Variants in ERCC3 observed in about 807,000 individuals in gnomAD.
The protein encoded by ERCC3 is general transcription and DNA repair factor IIH helicase/translocase subunit XPB.
ERCC3 carries 66 observed loss-of-function variants against 94.2 expected under a neutral mutation model. The observed-to-expected ratio is 0.70, with a 90% CI of 0.57 to 0.86. The LOEUF (loss-of-function observed/expected upper bound fraction) is 0.86, where lower values mean the gene tolerates loss of function less well. ERCC3 is among the 40% of genes least tolerant of loss of function. ERCC3 has a pLI of 0.00. For missense variants in ERCC3, 829 were observed against 987.1 expected (o/e 0.84, Z 2.15); for synonymous variants, 349 against 369.1 (o/e 0.95, Z 0.63).
Position 127,280,489 on chromosome 2 carries a change from C to T in ERCC3, c.1485G>A (p.Glu495=), listed in dbSNP as rs4150456. ...TGGCGATGTAGCCATTATTCTGCAG[C>T]TCCATCCAGTTGGCTTCGTAGAGCT... The part of the protein sequence containing the change: ...GPKLYEANWM[E]LQNNGYIAKV... Residue 495 remains glutamate (E), a synonymous_variant, in exon 9 of 15, where the codon GAG becomes GAA. Coordinates refer to ENST00000285398, the MANE Select transcript of ERCC3 (RefSeq NM_000122.2). This position sits in a 1 kb window ranked among gnomAD's most constrained non-coding sequence, Gnocchi z 6.3. The T allele has an allele frequency of 2.4e-3, 3,942 of 1,613,830 alleles. 72 individuals are homozygous for T. In the African/African-American group the frequency reaches 0.046, roughly 19 times the overall value.
At position 127,279,360 on chromosome 2, in the gene ERCC3, A is replaced by C; in HGVS notation, c.1543T>G (p.Ser515Ala). Reference protein sequence around the residue: ...VQCAEVWCPMSPEFYREYVAI... With the variant: ...VQCAEVWCPMAPEFYREYVAI... ...ACATATTCCCGGTAAAATTCAGGAG[A>C]CATAGGGCACCAGACCTGTAATACA... is the stretch of plus-strand genomic sequence containing the variant. The change falls in exon 10 of 15, where the codon TCT becomes GCT. Residue 515 changes from serine (S) to alanine (A), a missense_variant. Transcript: ENST00000285398. The surrounding 1 kb of genome is among the most constrained non-coding windows in gnomAD (Gnocchi z 4.7). 6.2e-7 allele frequency: 1 copy of C among 1,613,620 alleles called. No homozygotes were observed. The highest frequency in any genetic ancestry group is 8.5e-7 in the Non-Finnish European group (1 of 1,179,542).
chr2:127,292,969 A>G (rs1685328059), intron 2 of ERCC3, 123 bp from the exon 3 acceptor site: 1 of 712,544 alleles, frequency 1.4e-6, no homozygotes, highest in Non-Finnish European at 2.5e-6. Flanking sequence ...TCTTGCAAGC[A>G]CTCCTTCAGA....
rs1684531254 is a variant in ERCC3 at position 127,271,029 on chromosome 2, C to G, written c.1945+307G>C. Among the ~76,000 whole-genome samples the G allele has an allele frequency of 6.6e-6, 1 of 152,206 alleles. No individual in the cohort carries two copies. Among genetic ancestry groups the G allele is most frequent in the South Asian group, 2.1e-4 (1 of 4,828 alleles). On this transcript the variant is annotated intron_variant, in intron 12 of 14. Transcript: ENST00000285398. The surrounding 1 kb of genome is among the most constrained non-coding windows in gnomAD (Gnocchi z 5.0). ...TGGCCCAGCTCTGTTTTCTCCCTTC[C>G]ATGTCTACCCCATAAGCACTGCCTT...
At chr2:127,287,935 CTG>C (rs1318857252) in intron 7 of ERCC3, among the ~76,000 whole-genome samples, 2 of 152,076 alleles carry the variant, frequency 1.3e-5, no homozygotes, top group South Asian at 2.1e-4. Flanking sequence ...TAAAAATACA[CTG>C]TGAGTTACCA....
In ERCC3 at chr2:127,284,113, C is replaced by T. The variant is rs1051616901; in HGVS notation, c.1342+2590G>A. 2 of 152,244 alleles carry T rather than the reference C, an allele frequency of 1.3e-5. No individual in the cohort carries two copies. Among genetic ancestry groups the T allele is most frequent in the African/African-American group, 4.8e-5 (2 of 41,458 alleles). 9.4% of individuals were successfully genotyped at this position (152,244 alleles called of 1,614,324 possible). A position where few individuals can be genotyped will look rare whatever the true frequency, so the allele number is the denominator to read the frequency against. On this transcript the variant is annotated intron_variant, in intron 8 of 14. Transcript: ENST00000285398. This position sits in a 1 kb window ranked among gnomAD's most constrained non-coding sequence, Gnocchi z 4.1. ...ACACCTGACCTGTCAATTAAAGCTT[C>T]ACAACATATCCAGAGTCGGATCACG... is the stretch of plus-strand genomic sequence containing the variant.
At position 127,264,284 on chromosome 2, in the gene ERCC3, C is replaced by T. The variant is rs936077369; in HGVS notation, c.1946-2938G>A. Among the ~76,000 whole-genome samples, 12 of 152,048 alleles carry T rather than the reference C, an allele frequency of 7.9e-5. No individual in the cohort carries two copies. The highest frequency in any genetic ancestry group is 1.6e-4 in the Non-Finnish European group (11 of 68,010). On this transcript the variant is annotated intron_variant, in intron 12 of 14. Coordinates refer to ENST00000285398, the MANE Select transcript of ERCC3 (RefSeq NM_000122.2). This position sits in a 1 kb window ranked among gnomAD's most constrained non-coding sequence, Gnocchi z 4.4. ...TTCAAGACCAGCACTGCCAACATGG[C>T]GAAACCCTGTCTCTACTAAAAATAC... is the stretch of plus-strand genomic sequence containing the variant.
rs1685367268 is a variant in ERCC3 at position 127,293,798 on chromosome 2, C to T, written c.29-80G>A. 5 of 1,599,828 alleles carry T rather than the reference C, an allele frequency of 3.1e-6. No homozygotes were observed. In the Admixed American group the frequency reaches 8.4e-5, roughly 27 times the overall value. ...GCACCGCTTGGCAGCATTTCACCTG[C>T]GCCGCCGCAAACTCCTAGCTAAGAG... On this transcript the variant is annotated intron_variant, in intron 1 of 14. Coordinates refer to ENST00000285398, the MANE Select transcript of ERCC3 (RefSeq NM_000122.2).
intron 4 of ERCC3, 96 bp from the exon 5 acceptor site, chr2:127,289,920 T>G: frequency 7.2e-7 from 1 of 1,393,020 alleles, no homozygotes; most frequent in Non-Finnish European, 1.0e-6. Flanking sequence ...AATACAAGCC[T>G]CATGACTCTC....
rs1013117712 is a variant in ERCC3, at chr2:127,258,243, T to G, written c.2218-516A>C. Among the ~76,000 whole-genome samples, 2 of 152,154 alleles carry G rather than the reference T, an allele frequency of 1.3e-5. No individual in the cohort carries two copies. Among genetic ancestry groups the G allele is most frequent in the African/African-American group, 4.8e-5 (2 of 41,432 alleles). On this transcript the variant is annotated intron_variant, in intron 14 of 14. Transcript: ENST00000285398. The surrounding 1 kb of genome is among the most constrained non-coding windows in gnomAD (Gnocchi z 4.1). ...CCACCATGCCTGGCCTGAACAGAAT[T>G]TTTTAACAGTTAGGGCAAAAGTTCC...
chr2:127,292,220 T>C, intron 3 of ERCC3: 1 of 350,924 alleles, frequency 2.8e-6, no homozygotes, highest in South Asian at 2.4e-5. Flanking sequence ...TATTAGGTTT[T>C]GAAGACAAAA....
At chr2:127,270,548 C>T (rs911332050) in intron 12 of ERCC3, among the ~76,000 whole-genome samples, 8 of 152,222 alleles carry the variant, frequency 5.3e-5, no homozygotes, top group South Asian at 2.1e-4. Flanking sequence ...TTAAACACAT[C>T]TGAACGCAGT....
rs1162187940 is a variant in ERCC3 at position 127,264,046 on chromosome 2, T to G, written c.1946-2700A>C. Among the ~76,000 whole-genome samples, 1 of 152,192 alleles carries G rather than the reference T, an allele frequency of 6.6e-6. No individual in the cohort carries two copies. Among genetic ancestry groups the G allele is most frequent in the African/African-American group, 2.4e-5 (1 of 41,442 alleles). On this transcript the variant is annotated intron_variant, in intron 12 of 14. Transcript: ENST00000285398. The surrounding 1 kb of genome is among the most constrained non-coding windows in gnomAD (Gnocchi z 4.4). ...GTTCTTAAAGGGAATGCTTCCAGCT[T>G]TTGCTTACTTAGTATGATGTTGGCT...
chr2:127,290,964 C>A (rs1685249975), intron 3 of ERCC3: 1 of 153,094 alleles, frequency 6.5e-6, no homozygotes, highest in Non-Finnish European at 1.5e-5. Context: ...CGCCTATAAT[C>A]CCAGCTACTT....
chr2:127,262,537 A>G (rs940495152), intron 12 of ERCC3: 17 of 152,260 alleles, frequency 1.1e-4, no homozygotes, highest in African/African-American at 4.1e-4. Context: ...AAAAGAAACC[A>G]GTCACAGAAG....
chr2:127,293,436 T>C, intron 2 of ERCC3, 77 bp downstream of exon 2: 2 of 1,335,476 alleles, frequency 1.5e-6, no homozygotes, highest in Non-Finnish European at 1.1e-6. Context: ...AATGTCAGTT[T>C]TGACTCTGAG....
chr2:127,268,728 G>A (rs548943100), intron 12 of ERCC3, among the ~76,000 whole-genome samples: 9 of 152,232 alleles, frequency 5.9e-5, no homozygotes, highest in South Asian at 2.1e-4. Flanking sequence ...AAAGTCTGAC[G>A]GCTATGTGCT....
intron 12 of ERCC3, among the ~76,000 whole-genome samples, chr2:127,269,014 G>A (rs890530284): frequency 3.3e-5 from 5 of 152,166 alleles, no homozygotes; most frequent in African/African-American, 1.2e-4. Context: ...TAATGGGTGG[G>A]GAGAATTTAA....
At chr2:127,281,783 ACAC>A (rs1260585792) in intron 8 of ERCC3, among the ~76,000 whole-genome samples, 12 of 152,236 alleles carry the variant, frequency 7.9e-5, no homozygotes, top group Non-Finnish European at 1.8e-4. Flanking sequence ...ACACACACAC[ACAC>A]AACACAGAAA....
intron 10 of ERCC3, 46 bp from the exon 11 acceptor site, chr2:127,273,007 TTATCTTGAAAACA>T: frequency 8.2e-7 from 1 of 1,218,840 alleles, no homozygotes; most frequent in Non-Finnish European, 1.2e-6. Flanking sequence ...AATGCCTCAG[TTATCTTGAAAACA>T]CATCAGAGGG....
Sources: allele counts gnomAD v4.1 joint callset (sites outside exome capture counted in the v4.1 genomes callset), GRCh38; gene constraint gnomAD v4.1.1; non-coding constraint Gnocchi (gnomAD v3.1); transcripts MANE v1.5; gene names NCBI Gene and HGNC (gene_info 2026-07-23, HGNC 2026-07-21).